FRS2: variants seen among roughly 807,000 people sequenced by gnomAD.
FRS2 encodes the protein fibroblast growth factor receptor substrate 2.
Under a neutral mutation model 43.9 loss-of-function variants are expected in FRS2, and 8 were observed. That is an observed-to-expected ratio of 0.18 (90% confidence interval 0.11 to 0.33). The LOEUF (loss-of-function observed/expected upper bound fraction) is 0.33, where lower values mean the gene tolerates loss of function less well. FRS2 is among the 10% of genes least tolerant of loss of function. FRS2 has a pLI of 1.00. For synonymous variants in FRS2, 219 were observed against 220.3 expected (o/e 0.99, Z 0.05); for missense variants, 534 against 627.6 (o/e 0.85, Z 1.59).
At chr12:69,498,939 CTT>C (rs1479235779) in intron 1 of FRS2, among the ~76,000 whole-genome samples, 1 of 152,176 alleles carries the variant, frequency 6.6e-6, no homozygotes, top group Admixed American at 6.5e-5. Context: ...TTTATAACAA[CTT>C]TATGAGGTAT....
At chr12:69,535,299 A>G (rs543495928) in intron 3 of FRS2, among the ~76,000 whole-genome samples, 1 of 152,348 alleles carries the variant, frequency 6.6e-6, no homozygotes, top group Non-Finnish European at 1.5e-5. Flanking sequence ...AGATCTAGAT[A>G]CAGGCGTTGA....
intron 1 of FRS2, among the ~76,000 whole-genome samples, chr12:69,523,143 C>T (rs1252536221): frequency 6.6e-6 from 1 of 152,140 alleles, no homozygotes; most frequent in Admixed American, 6.6e-5. Flanking sequence ...TGTTAATATT[C>T]CTCCTCTAAG....
intron 3 of FRS2, among the ~76,000 whole-genome samples, chr12:69,557,634 G>GTT (rs1565773361): frequency 4.3e-4 from 63 of 147,572 alleles, no homozygotes; most frequent in African/African-American, 1.6e-3. Context: ...GCGCGCGCGC[G>GTT]CGCAGGTGCA....
At chr12:69,564,566 C>G (rs995753072) in intron 4 of FRS2, among the ~76,000 whole-genome samples, 3 of 152,102 alleles carry the variant, frequency 2.0e-5, no homozygotes, top group Non-Finnish European at 2.9e-5. Flanking sequence ...ATGCTGGAAA[C>G]TGCCTCTGTT....
rs554690607 is a variant in FRS2 at position 69,555,770 on chromosome 12, T to G, written c.-121-6410T>G. On this transcript the variant is annotated intron_variant, in intron 3 of 8. Coordinates refer to ENST00000549921, the MANE Select transcript of FRS2 (RefSeq NM_001278356.2). ...AGGGATGACTATACAGAACAAACAT[T>G]TTTATTAGTGGGATACTTGAATCGG... Among the ~76,000 whole-genome samples the G allele has an allele frequency of 3.0e-4, 46 of 152,258 alleles. No homozygotes were observed. In the South Asian group the frequency reaches 8.7e-3, roughly 29 times the overall value.
chr12:69,493,742 A>T (rs1215546970), intron 1 of FRS2, among the ~76,000 whole-genome samples: 1 of 152,192 alleles, frequency 6.6e-6, no homozygotes, highest in Non-Finnish European at 1.5e-5. Context: ...CAAAACAAAA[A>T]AGAAATTTAG....
chr12:69,538,197 T>TATATATATATATATATA (rs1555189565), intron 3 of FRS2, among the ~76,000 whole-genome samples: 62 of 81,602 alleles, frequency 7.6e-4, no homozygotes, highest in African/African-American at 1.2e-3. Context: ...AAAACAAATT[T>TATATATATATATATATA]TATATATATA....
chr12:69,494,269 C>T (rs930832630), intron 1 of FRS2, among the ~76,000 whole-genome samples: 1 of 152,134 alleles, frequency 6.6e-6, no homozygotes, highest in African/African-American at 2.4e-5. Context: ...AAAAATACAT[C>T]TTTGAGTGGG....
chr12:69,476,785 T>C (rs1870828064), intron 1 of FRS2, among the ~76,000 whole-genome samples: 1 of 151,334 alleles, frequency 6.6e-6, no homozygotes, highest in African/African-American at 2.4e-5. Flanking sequence ...GAACTTAAGG[T>C]GCAAACCTAG....
chr12:69,493,078 GA>G (rs1686893132), intron 1 of FRS2, among the ~76,000 whole-genome samples: 1 of 152,166 alleles, frequency 6.6e-6, no homozygotes, highest in South Asian at 2.1e-4. Context: ...TATTGCTTTA[GA>G]AAGAGATCTT....
At chr12:69,570,000 C>T (rs570519386) in intron 5 of FRS2, among the ~76,000 whole-genome samples, 45 of 152,260 alleles carry the variant, frequency 3.0e-4, no homozygotes, top group Admixed American at 1.5e-3. Flanking sequence ...TTTATACTAG[C>T]GGTCCAGCTA....
chr12:69,503,005 A>T (rs1873597691), intron 1 of FRS2, among the ~76,000 whole-genome samples: 1 of 152,220 alleles, frequency 6.6e-6, no homozygotes, highest in African/African-American at 2.4e-5. Flanking sequence ...AAAAATCTGG[A>T]TACATGTGGC....
chr12:69,512,949 C>G (rs1474618693), intron 1 of FRS2, among the ~76,000 whole-genome samples: 2 of 152,074 alleles, frequency 1.3e-5, no homozygotes, highest in African/African-American at 4.8e-5. Context: ...TTTCAGTTAA[C>G]TTTATTTTGA....
intron 1 of FRS2, among the ~76,000 whole-genome samples, chr12:69,504,166 C>T (rs1330488516): frequency 6.6e-6 from 1 of 152,134 alleles, no homozygotes; most frequent in Non-Finnish European, 1.5e-5. Flanking sequence ...GTGAGACAAG[C>T]AGCAAGCAAA....
chr12:69,574,934 T>C lies in FRS2; in HGVS notation c.1506T>C (p.Asn502=). ...GTACATCTAGGAAAACTAGACACAA[T>C]AGTACTGATCTGCCCATGTGAGCCT... ...DDGTSRKTRH[N]STDLPM Residue 502 remains asparagine, a synonymous_variant, in exon 9 of 9, where the codon AAT becomes AAC. Transcript: ENST00000549921. 1 of 1,608,496 alleles carries C rather than the reference T, an allele frequency of 6.2e-7. No homozygotes were observed. The highest frequency in any genetic ancestry group is 8.5e-7 in the Non-Finnish European group (1 of 1,175,002).
intron 1 of FRS2, among the ~76,000 whole-genome samples, chr12:69,513,731 G>C (rs1409043359): frequency 3.9e-5 from 6 of 152,024 alleles, no homozygotes. Flanking sequence ...ATGACCCTTG[G>C]GGGTGGGGCT....
intron 5 of FRS2, among the ~76,000 whole-genome samples, chr12:69,569,946 A>G (rs1038589770): frequency 4.6e-5 from 7 of 152,064 alleles, no homozygotes; most frequent in Non-Finnish European, 1.0e-4. Flanking sequence ...TTATCTCCTG[A>G]CCCACTAGAT....
At chr12:69,536,784 G>A (rs1425326375) in intron 3 of FRS2, among the ~76,000 whole-genome samples, 1 of 151,488 alleles carries the variant, frequency 6.6e-6, no homozygotes, top group Non-Finnish European at 1.5e-5. Flanking sequence ...GCTTAAGTTG[G>A]TCTTGAATTC....
At chr12:69,558,897 G>A (rs924568707) in intron 3 of FRS2, among the ~76,000 whole-genome samples, 5 of 152,206 alleles carry the variant, frequency 3.3e-5, no homozygotes, top group Admixed American at 6.5e-5. Context: ...TATGGATAGG[G>A]AAATGAATTA....
Sources: allele counts gnomAD v4.1 joint callset (sites outside exome capture counted in the v4.1 genomes callset), GRCh38; gene constraint gnomAD v4.1.1; transcripts MANE v1.5; gene names NCBI Gene and HGNC (gene_info 2026-07-23, HGNC 2026-07-21).